Variants in STAMBP observed in about 807,000 individuals in gnomAD.
STAMBP encodes the protein STAM-binding protein.
A neutral mutation model predicts 50.7 loss-of-function variants in STAMBP; 31 were observed. That is an observed-to-expected ratio of 0.61 (90% CI 0.46 to 0.83). STAMBP has a LOEUF of 0.83. STAMBP is among the 40% of genes least tolerant of loss of function. STAMBP has a pLI of 0.00. For missense variants in STAMBP, 472 were observed against 518.9 expected, an observed-to-expected ratio of 0.91 and a Z score of 0.88; for synonymous variants, 211 against 192.4, an observed-to-expected ratio of 1.10 and a Z score of -0.80.
chr2:73,860,166 A>G lies in STAMBP; in HGVS notation c.1218+15A>G, dbSNP rs775767905. On this transcript the variant is annotated intron_variant, in intron 9 of 9. Coordinates refer to ENST00000394070, the MANE Select transcript of STAMBP (RefSeq NM_213622.4). ...CTCTGTTCTGTGTACGTATCTATGT[A>G]AAAGAAAATGGGGCTATGCTTCAAG... 3 of 1,603,544 alleles carry G rather than the reference A, an allele frequency of 1.9e-6. No individual in the cohort carries two copies. Among genetic ancestry groups the G allele is most frequent in the Admixed American group, 3.4e-5 (2 of 59,524 alleles).
At chr2:73,859,681 A>G (rs1252930116) in intron 8 of STAMBP, among the ~76,000 whole-genome samples, 1 of 147,592 alleles carries the variant, frequency 6.8e-6, no homozygotes, top group Non-Finnish European at 1.5e-5. Flanking sequence ...ATCATAAAAT[A>G]TAAAAAAATA....
downstream of STAMBP, among the ~76,000 whole-genome samples, chr2:73,867,500 C>T (rs995349920): frequency 1.3e-5 from 2 of 152,032 alleles, no homozygotes; most frequent in African/African-American, 4.8e-5. Context: ...GCCAAGATCA[C>T]GCCATTGCAC....
In STAMBP at chr2:73,863,096, G is replaced by C. The variant is rs1013789788; in HGVS notation, c.*837G>C. ...TTGTGAAGTCATCTCTGTTCTTTTG[G>C]TGCTGTCTCAAATGGGTCAACCATT... On this transcript the variant is annotated 3_prime_UTR_variant, in exon 10 of 10. Coordinates refer to ENST00000394070, the MANE Select transcript of STAMBP (RefSeq NM_213622.4). The C allele has an allele frequency of 6.6e-6, 1 of 152,074 alleles. No homozygotes were observed. Among genetic ancestry groups the C allele is most frequent in the African/African-American group, 2.4e-5 (1 of 41,386 alleles). The allele number at this position is 152,074 out of a possible 1,614,324, so 9.4% of individuals were successfully genotyped here. A position where few individuals can be genotyped will look rare whatever the true frequency, so the allele number is the denominator to read the frequency against.
rs200109176 is a variant in STAMBP at position 73,859,271 on chromosome 2, C to G, written c.1023C>G (p.Thr341=). 1 of 1,613,580 alleles carries G rather than the reference C, an allele frequency of 6.2e-7. No homozygotes were observed. Among genetic ancestry groups the G allele is most frequent in the African/African-American group, 1.3e-5 (1 of 74,878 alleles). Residue 341 remains threonine (T), a synonymous_variant, in exon 8 of 10, where the codon ACC becomes ACG. Transcript: ENST00000394070. ...CTCCTCAGACTCACCCCACACAGAC[C>G]GCGTTTCTCTCCAGTGTCGACCTAC... ...LGWIHTHPTQ[T]AFLSSVDLHT...
At chr2:73,847,142 G>A (rs1349875463) in intron 4 of STAMBP, among the ~76,000 whole-genome samples, 1 of 151,946 alleles carries the variant, frequency 6.6e-6, no homozygotes, top group African/African-American at 2.4e-5. Flanking sequence ...GTCATTGTCG[G>A]GAGGGTATTG....
chr2:73,861,570 G>C (rs1212602419), intron 9 of STAMBP, among the ~76,000 whole-genome samples: 1 of 151,982 alleles, frequency 6.6e-6, no homozygotes, highest in East Asian at 1.9e-4. Flanking sequence ...CCGGGCTGGA[G>C]TGCAGTGGTA....
intron 9 of STAMBP, chr2:73,860,566 GAA>G (rs1395847540): frequency 4.1e-6 from 4 of 986,344 alleles, no homozygotes; most frequent in Non-Finnish European, 4.8e-6. Context: ...GAAGGCAAAG[GAA>G]AAGAGAAGCC....
chr2:73,872,139 CT>C (rs1362587769), downstream of STAMBP, among the ~76,000 whole-genome samples: 1 of 152,160 alleles, frequency 6.6e-6, no homozygotes, highest in Non-Finnish European at 1.5e-5. Context: ...TGGGTCATGG[CT>C]TTGGTCATGA....
intron 2 of STAMBP, among the ~76,000 whole-genome samples, chr2:73,839,457 T>G (rs970387602): frequency 5.9e-5 from 9 of 152,184 alleles, no homozygotes. Context: ...GAAAATGAAC[T>G]GTCACCTGTG....
At chr2:73,835,141 C>T (rs1674554577) in intron 2 of STAMBP, among the ~76,000 whole-genome samples, 1 of 151,988 alleles carries the variant, frequency 6.6e-6, no homozygotes, top group Non-Finnish European at 1.5e-5. Context: ...TGGGAGGCCA[C>T]CCTGGAGTTC....
intron 9 of STAMBP, among the ~76,000 whole-genome samples, chr2:73,861,277 T>A (rs754051963): frequency 1.1e-4 from 16 of 152,170 alleles, no homozygotes; most frequent in Non-Finnish European, 1.9e-4. Flanking sequence ...AATATATATT[T>A]TAGGGATGAC....
rs1054046567 is a variant in STAMBP, at chr2:73,852,933, T to G, written c.1005+2420T>G. 7.3e-5 allele frequency among the ~76,000 whole-genome samples: 9 copies of G among 123,994 alleles called. 1 individual carries two copies. The highest frequency in any genetic ancestry group is 7.4e-3 in the Middle Eastern group (2 of 272). The allele number at this position is 123,994 out of a possible 152,430, so 81.3% of individuals were successfully genotyped here. ...TGTTGGCCAGGTGTGTGTGTGTGTG[T>G]GTGTGTGTGTGTGTGTGTGTGTATT... On this transcript the variant is annotated intron_variant, in intron 7 of 9. Coordinates refer to ENST00000394070, the MANE Select transcript of STAMBP (RefSeq NM_213622.4).
At chr2:73,858,159 ATTTTTTTTTTTTTT>A (rs35630978) in intron 7 of STAMBP, among the ~76,000 whole-genome samples, 1 of 68,346 alleles carries the variant, frequency 1.5e-5, no homozygotes, top group Non-Finnish European at 2.8e-5. Flanking sequence ...ATTGTTTTGT[ATTTTTTTTTTTTTT>A]TTTTTTTTTT....
intron 2 of STAMBP, among the ~76,000 whole-genome samples, chr2:73,842,507 C>G (rs1330558662): frequency 2.6e-5 from 4 of 152,182 alleles, no homozygotes; most frequent in African/African-American, 9.7e-5. Flanking sequence ...AAATCATTTA[C>G]TTACTTGTTT....
At position 73,863,937 on chromosome 2, in the gene STAMBP, C is replaced by G. The variant is rs1211706570; in HGVS notation, c.*1678C>G. 2 of 152,240 alleles carry G rather than the reference C, an allele frequency of 1.3e-5. No individual in the cohort carries two copies. Among genetic ancestry groups the G allele is most frequent in the East Asian group, 1.9e-4 (1 of 5,204 alleles). 9.4% of individuals were successfully genotyped at this position (152,240 alleles called of 1,614,324 possible). On this transcript the variant is annotated 3_prime_UTR_variant, in exon 10 of 10. Coordinates refer to ENST00000394070, the MANE Select transcript of STAMBP (RefSeq NM_213622.4). ...TTCCAGCCATGTTCATGTTTTCTCT[C>G]TTGCTCAAAAACCTGCAATAGCTTC...
Position 73,859,352 on chromosome 2 carries a change from C to T in STAMBP, c.1104C>T (p.Ser368=). 3.1e-6 allele frequency: 5 copies of T among 1,613,952 alleles called. No individual in the cohort carries two copies. Among genetic ancestry groups the T allele is most frequent in the Non-Finnish European group, 4.2e-6 (5 of 1,179,872 alleles). Residue 368 remains serine, a synonymous_variant, in exon 8 of 10, where the codon TCC becomes TCT. Transcript: ENST00000394070. The stretch of plus-strand genomic sequence containing the variant: ...CAGAGTCAGTAGCCATTGTTTGCTC[C>T]CCCAAGTTCCAGGAGTGAGTATAGA... ...MLPESVAIVC[S]PKFQETGFFK... is the part of the protein sequence containing the mutation.
At chr2:73,843,418 ATG>A (rs71406837) in intron 2 of STAMBP, among the ~76,000 whole-genome samples, 20,391 of 142,342 alleles carry the variant, frequency 0.14, 1,785 homozygotes, top group East Asian at 0.26. Context: ...ATATATATAT[ATG>A]TATATATATA....
rs1189743274 is a variant in STAMBP, at chr2:73,862,287, C to G, written c.*28C>G. 1 of 1,599,226 alleles carries G rather than the reference C, an allele frequency of 6.3e-7. No individual in the cohort carries two copies. Among genetic ancestry groups the G allele is most frequent in the South Asian group, 1.1e-5 (1 of 88,832 alleles). ...GTTTGAGTCCAACACCTTCCAAGAA[C>G]AACAAAACCATATCAGTGTACTGTA... On this transcript the variant is annotated 3_prime_UTR_variant, in exon 10 of 10. Coordinates refer to ENST00000394070, the MANE Select transcript of STAMBP (RefSeq NM_213622.4).
downstream of STAMBP, among the ~76,000 whole-genome samples, chr2:73,871,341 C>T (rs1274364137): frequency 1.3e-5 from 2 of 151,822 alleles, no homozygotes; most frequent in Non-Finnish European, 2.9e-5. Context: ...ATCAGGAGTT[C>T]AAGACCAGCC....
Sources: allele counts gnomAD v4.1 joint callset (sites outside exome capture counted in the v4.1 genomes callset), GRCh38; gene constraint gnomAD v4.1.1; transcripts MANE v1.5; gene names NCBI Gene and HGNC (gene_info 2026-07-23, HGNC 2026-07-21).